FGF9: variants seen among roughly 807,000 people sequenced by gnomAD.
The protein encoded by FGF9 is fibroblast growth factor 9 (glia-activating factor).
In FGF9, 3 loss-of-function variants were observed where a neutral mutation model predicts 19.9. The observed-to-expected ratio is 0.15, with a 90% CI of 0.07 to 0.39. The LOEUF (loss-of-function observed/expected upper bound fraction) is 0.39, where lower values mean the gene tolerates loss of function less well. Ranked by LOEUF, FGF9 falls within the 10% of genes least tolerant of loss-of-function variation. FGF9 has a pLI of 1.00. For synonymous variants in FGF9, 107 were observed against 106.9 expected, an observed-to-expected ratio of 1.00 and a Z score of -0.01; for missense variants, 175 against 256.8, an observed-to-expected ratio of 0.68 and a Z score of 2.18.
At chr13:21,690,418 C>G (rs1179718012) in intron 2 of FGF9, among the ~76,000 whole-genome samples, 1 of 152,182 alleles carries the variant, frequency 6.6e-6, no homozygotes, top group African/African-American at 2.4e-5. Context: ...CACACCCACT[C>G]ACACACTAGC....
At position 21,701,558 on chromosome 13, in the gene FGF9, G is replaced by A. The variant is rs1872544199; in HGVS notation, c.*123G>A. ...CCACTGTTGCCAAACTTTGTCGCAT[G>A]CATAATGTATGATGGAGGCTTGGAT... On this transcript the variant is annotated 3_prime_UTR_variant, in exon 3 of 3. Transcript: ENST00000382353. 2.7e-5 allele frequency: 36 copies of A among 1,355,748 alleles called. No individual in the cohort carries two copies. In the South Asian group the frequency reaches 4.1e-4, roughly 15 times the overall value. The allele number at this position is 1,355,748 out of a possible 1,614,324, so 84.0% of individuals were successfully genotyped here. A position where few individuals can be genotyped will look rare whatever the true frequency, so the allele number is the denominator to read the frequency against.
In FGF9 at chr13:21,701,664, G is replaced by GAGAGA. The variant is rs1593101690; in HGVS notation, c.*234_*238dup. 2 of 534,500 alleles carry GAGAGA rather than the reference G, an allele frequency of 3.7e-6. No individual in the cohort carries two copies. The highest frequency in any genetic ancestry group is 6.9e-5 in the East Asian group (2 of 28,980). 33.1% of individuals were successfully genotyped at this position (534,500 alleles called of 1,614,324 possible). On this transcript the variant is annotated 3_prime_UTR_variant, in exon 3 of 3. Transcript: ENST00000382353. The stretch of plus-strand genomic sequence containing the variant: ...TAGGGCCACTTGCTTGATTTATCAT[G>GAGAGA]AGAGAAGAGGAGAGAGAGAGAGACT...
At chr13:21,692,877 C>T (rs761454781) in intron 2 of FGF9, among the ~76,000 whole-genome samples, 40 of 152,286 alleles carry the variant, frequency 2.6e-4, no homozygotes, top group Middle Eastern at 3.4e-3. Context: ...CCTTATTTAC[C>T]AAGATTAATT....
chr13:21,701,143 T>C (rs997316078), intron 2 of FGF9, 47 bp from the exon 3 acceptor site: 1 of 1,498,924 alleles, frequency 6.7e-7, no homozygotes, highest in African/African-American at 1.4e-5. Flanking sequence ...AAGCCCAGCA[T>C]GCATTAGCTA....
intron 1 of FGF9, among the ~76,000 whole-genome samples, chr13:21,677,952 T>G (rs1316314118): frequency 2.0e-4 from 31 of 152,202 alleles, no homozygotes; most frequent in Admixed American, 2.0e-3. Context: ...TGCCCATCTT[T>G]GGACTGCCCA....
At position 21,704,172 on chromosome 13, in the gene FGF9, A is replaced by G. The variant is rs1384031272; in HGVS notation, c.*2737A>G. ...ATGGGGGTTCTGGTTTCACAAACAG[A>G]TGCTTAGATAGCCAAACCACTGTCT... is the stretch of plus-strand genomic sequence containing the variant. On this transcript the variant is annotated 3_prime_UTR_variant, in exon 3 of 3. Coordinates refer to ENST00000382353, the MANE Select transcript of FGF9 (RefSeq NM_002010.3). 6.6e-6 allele frequency: 1 copy of G among 152,152 alleles called. No homozygotes were observed. Among genetic ancestry groups the G allele is most frequent in the Non-Finnish European group, 1.5e-5 (1 of 68,052 alleles). The allele number at this position is 152,152 out of a possible 1,614,324, so 9.4% of individuals were successfully genotyped here. A position where few individuals can be genotyped will look rare whatever the true frequency, so the allele number is the denominator to read the frequency against.
At chr13:21,700,015 GGTGTGTGTGTGTGTGTGTGTGT>G (rs3076108) in intron 2 of FGF9, among the ~76,000 whole-genome samples, 38 of 146,820 alleles carry the variant, frequency 2.6e-4, no homozygotes, top group African/African-American at 8.3e-4. Flanking sequence ...TTTGGGATGT[GGTGTGTGTGTGTGTGTGTGTGT>G]GTGTGTGTGT....
intron 2 of FGF9, among the ~76,000 whole-genome samples, chr13:21,684,242 C>T (rs773174814): frequency 3.3e-5 from 5 of 152,080 alleles, no homozygotes; most frequent in South Asian, 4.1e-4. Context: ...TACTTTGTTC[C>T]CATTATTACA....
intron 2 of FGF9, among the ~76,000 whole-genome samples, chr13:21,683,273 TA>T (rs1164486659): frequency 6.6e-6 from 1 of 152,190 alleles, no homozygotes; most frequent in Non-Finnish European, 1.5e-5. Context: ...CTGGATGATT[TA>T]AATGGTTTCT....
rs897602939 is a variant in FGF9, at chr13:21,674,272, G to A, written c.277+2083G>A. 4 of 148,592 alleles carry A rather than the reference G, an allele frequency of 2.7e-5. No homozygotes were observed. The Admixed American group carries it at 2.7e-4, about 10-fold the overall frequency. 9.2% of individuals were successfully genotyped at this position (148,592 alleles called of 1,614,324 possible). A position where few individuals can be genotyped will look rare whatever the true frequency, so the allele number is the denominator to read the frequency against. ...TCCTTCTTCTGAAGCACGCAGCCGG[G>A]TTTTGGAGACTCGAAGGGCTCCGTG... On this transcript the variant is annotated intron_variant, in intron 1 of 2. Transcript: ENST00000382353.
chr13:21,691,248 A>T lies in FGF9; in HGVS notation c.382-9942A>T, dbSNP rs1347905124. Among the ~76,000 whole-genome samples the T allele has an allele frequency of 6.6e-6, 1 of 152,256 alleles. No individual in the cohort carries two copies. The highest frequency in any genetic ancestry group is 1.5e-5 in the Non-Finnish European group (1 of 68,046). On this transcript the variant is annotated intron_variant, in intron 2 of 2. Coordinates refer to ENST00000382353, the MANE Select transcript of FGF9 (RefSeq NM_002010.3). The surrounding 1 kb of genome is among the most constrained non-coding windows in gnomAD (Gnocchi z 4.2). ...TGCAACTTCATTGAGGGAGTCAGAC[A>T]TGTAAACCAAGAATTATAATTTGGT...
rs1430594598 is a variant in FGF9, at chr13:21,691,829, A to G, written c.382-9361A>G. ...GCACTGTGACAACCGGCTGAGAAAA[A>G]TGTCTGCATCCCTGACACCCCCGTT... On this transcript the variant is annotated intron_variant, in intron 2 of 2. Coordinates refer to ENST00000382353, the MANE Select transcript of FGF9 (RefSeq NM_002010.3). The surrounding 1 kb of genome is among the most constrained non-coding windows in gnomAD (Gnocchi z 4.2). Among the ~76,000 whole-genome samples, 1 of 152,192 alleles carries G rather than the reference A, an allele frequency of 6.6e-6. No homozygotes were observed. Among genetic ancestry groups the G allele is most frequent in the Non-Finnish European group, 1.5e-5 (1 of 68,022 alleles).
Position 21,672,100 on chromosome 13 carries a change from G to A in FGF9, c.188G>A (p.Arg63Gln). 6.2e-7 allele frequency: 1 copy of A among 1,614,200 alleles called. No individual in the cohort carries two copies. The highest frequency in any genetic ancestry group is 8.5e-7 in the Non-Finnish European group (1 of 1,180,040). ...DLDHLKGILR[R>Q]RQLYCRTGFH... ...GATCATTTAAAGGGGATTCTCAGGC[G>A]GAGGCAGCTATACTGCAGGACTGGA... is the stretch of plus-strand genomic sequence containing the variant. The change falls in exon 1 of 3, where the codon CGG becomes CAG. Residue 63 changes from arginine to glutamine, a missense_variant. Arg to Gln is a conservative substitution (Grantham distance 43). Coordinates refer to ENST00000382353, the MANE Select transcript of FGF9 (RefSeq NM_002010.3). The surrounding 1 kb of genome is among the most constrained non-coding windows in gnomAD (Gnocchi z 4.2).
chr13:21,672,860 T>A lies in FGF9; in HGVS notation c.277+671T>A, dbSNP rs1191025850. On this transcript the variant is annotated intron_variant, in intron 1 of 2. Transcript: ENST00000382353. This position sits in a 1 kb window ranked among gnomAD's most constrained non-coding sequence, Gnocchi z 4.2. Reference sequence around the variant, plus strand: ...CTTCCAGCTATCAAGTGATAACCTCTGCTTTTAAATTTCCATAGTGTGCAG... The same window carrying A: ...CTTCCAGCTATCAAGTGATAACCTCAGCTTTTAAATTTCCATAGTGTGCAG... Among the ~76,000 whole-genome samples, 1 of 152,252 alleles carries A rather than the reference T, an allele frequency of 6.6e-6. No individual in the cohort carries two copies. The highest frequency in any genetic ancestry group is 2.4e-5 in the African/African-American group (1 of 41,472).
rs1194429686 is a variant in FGF9 at position 21,703,452 on chromosome 13, G to A, written c.*2017G>A. 1 of 152,182 alleles carries A rather than the reference G, an allele frequency of 6.6e-6. No individual in the cohort carries two copies. Among genetic ancestry groups the A allele is most frequent in the African/African-American group, 2.4e-5 (1 of 41,450 alleles). 9.4% of individuals were successfully genotyped at this position (152,182 alleles called of 1,614,324 possible). ...TATATTTTAGGGGGAGGGGACAGAAGCAATGTAAAATAGTTGATTTATGAT... is the reference window on the plus strand; with the variant it reads ...TATATTTTAGGGGGAGGGGACAGAAACAATGTAAAATAGTTGATTTATGAT... On this transcript the variant is annotated 3_prime_UTR_variant, in exon 3 of 3. Transcript: ENST00000382353.
chr13:21,680,945 G>A (rs1232276045), intron 1 of FGF9, 97 bp from the exon 2 acceptor site: 1 of 840,890 alleles, frequency 1.2e-6, no homozygotes, highest in Non-Finnish European at 2.0e-6. Context: ...GTGGGGAGCT[G>A]GGCTTAGTGT....
chr13:21,696,154 T>A lies in FGF9; in HGVS notation c.382-5036T>A, dbSNP rs567497447. Among the ~76,000 whole-genome samples, 13 of 152,380 alleles carry A rather than the reference T, an allele frequency of 8.5e-5. No individual in the cohort carries two copies. The East Asian group carries it at 1.2e-3, about 14-fold the overall frequency. ...TTTAAATAGTGTCAGTATAAGTTTATGTGTTATAACATTCCTAAGCATTCC... is the reference window on the plus strand; with the variant it reads ...TTTAAATAGTGTCAGTATAAGTTTAAGTGTTATAACATTCCTAAGCATTCC... On this transcript the variant is annotated intron_variant, in intron 2 of 2. Coordinates refer to ENST00000382353, the MANE Select transcript of FGF9 (RefSeq NM_002010.3).
chr13:21,690,681 G>A (rs555734121), intron 2 of FGF9, among the ~76,000 whole-genome samples: 3 of 152,276 alleles, frequency 2.0e-5, no homozygotes, highest in Admixed American at 6.5e-5. Context: ...ATTTGTGGTC[G>A]TGGGCAAAAA....
chr13:21,694,874 G>C (rs908960271), intron 2 of FGF9, among the ~76,000 whole-genome samples: 2 of 152,122 alleles, frequency 1.3e-5, no homozygotes, highest in Non-Finnish European at 2.9e-5. Flanking sequence ...TCCTCTGTGG[G>C]AGTACCCCTC....
Sources: allele counts gnomAD v4.1 joint callset (sites outside exome capture counted in the v4.1 genomes callset), GRCh38; gene constraint gnomAD v4.1.1; non-coding constraint Gnocchi (gnomAD v3.1); transcripts MANE v1.5; gene names NCBI Gene and HGNC (gene_info 2026-07-23, HGNC 2026-07-21).